POTEF: variants seen among roughly 807,000 people sequenced by gnomAD.
POTEF encodes ANKRD26-like family C member 1B.
A neutral mutation model predicts 83.2 loss-of-function variants in POTEF; 20 were observed. That is an observed-to-expected ratio of 0.24 (90% CI 0.17 to 0.35). The LOEUF is 0.35. Ranked by LOEUF, POTEF falls within the 10% of genes least tolerant of loss-of-function variation. The pLI, the probability that POTEF is intolerant of heterozygous loss-of-function variation, is 1.00. For synonymous variants in POTEF, 196 were observed against 446.4 expected (o/e 0.44, Z 7.07); for missense variants, 550 against 1,203.2 (o/e 0.46, Z 8.03).
intron 2 of POTEF, among the ~76,000 whole-genome samples, 157 bp downstream of exon 2, chr2:130,127,552 A>G (rs1232030585): frequency 6.6e-6 from 1 of 150,980 alleles, no homozygotes; most frequent in Non-Finnish European, 1.5e-5. Flanking sequence ...CCCAGGTCGG[A>G]CTGGGCCCTG....
chr2:130,101,480 T>C (rs1163333301), intron 9 of POTEF, among the ~76,000 whole-genome samples: 6 of 148,704 alleles, frequency 4.0e-5, no homozygotes, highest in Non-Finnish European at 7.4e-5. Flanking sequence ...ATTCTTGTAA[T>C]AGGCAGCTGT....
intron 8 of POTEF, 58 bp downstream of exon 8, chr2:130,107,951 C>T: frequency 1.2e-6 from 2 of 1,607,382 alleles, no homozygotes; most frequent in East Asian, 4.5e-5. Flanking sequence ...AAACCGGTCC[C>T]TGGTGTCAAA....
At chr2:130,113,690 T>C (rs1194350656) in intron 5 of POTEF, among the ~76,000 whole-genome samples, 2 of 146,672 alleles carry the variant, frequency 1.4e-5, no homozygotes, top group Non-Finnish European at 3.0e-5. Flanking sequence ...CAAATATACA[T>C]ATCCAGGCTT....
At position 130,075,078 on chromosome 2, in the gene POTEF, G is replaced by C. The variant is rs375441303; in HGVS notation, c.2394C>G (p.Pro798=). The part of the protein sequence containing the change: ...HTFYNELRVA[P]EEHPVLLTEA... ...CGGTCAGCAGGACGGGGTGCTCCTCGGGAGCCACACGCAGCTCGTTGTAGA... is the reference window on the plus strand; with the variant it reads ...CGGTCAGCAGGACGGGGTGCTCCTCCGGAGCCACACGCAGCTCGTTGTAGA... Residue 798 remains proline (P), a synonymous_variant, in exon 17 of 17, where the codon CCC becomes CCG. Transcript: ENST00000409914. The C allele has an allele frequency of 6.2e-7, 1 of 1,613,770 alleles. No homozygotes were observed. Among genetic ancestry groups the C allele is most frequent in the East Asian group, 2.2e-5 (1 of 44,858 alleles).
intron 8 of POTEF, among the ~76,000 whole-genome samples, chr2:130,105,607 A>C (rs1049828818): frequency 6.6e-6 from 1 of 150,588 alleles, no homozygotes; most frequent in African/African-American, 2.5e-5. Context: ...GGTGGCTTTC[A>C]CACTACAACA....
At chr2:130,113,691 A>C (rs940020953) in intron 5 of POTEF, among the ~76,000 whole-genome samples, 1 of 146,880 alleles carries the variant, frequency 6.8e-6, no homozygotes, top group Non-Finnish European at 1.5e-5. Flanking sequence ...AAATATACAT[A>C]TCCAGGCTTT....
intron 9 of POTEF, among the ~76,000 whole-genome samples, chr2:130,101,035 A>G (rs1204529446): frequency 7.0e-6 from 1 of 143,322 alleles, no homozygotes. Flanking sequence ...TGTTTGGACT[A>G]AACTTAATTT....
Position 130,073,804 on chromosome 2 carries a change from TAAAAC to T in POTEF, c.*435_*439del, listed in dbSNP as rs1385239361. The stretch of plus-strand genomic sequence containing the variant: ...GGCCACGAAGGCTGATCATTCAAAA[TAAAAC>T]AAAATTAAAAAGTATTAAGGCGAAG... On this transcript the variant is annotated 3_prime_UTR_variant, in exon 17 of 17. Coordinates refer to ENST00000409914, the MANE Select transcript of POTEF (RefSeq NM_001099771.2). Among the ~76,000 whole-genome samples the T allele has an allele frequency of 6.8e-6, 1 of 147,010 alleles. No homozygotes were observed. Among genetic ancestry groups the T allele is most frequent in the Non-Finnish European group, 1.5e-5 (1 of 66,450 alleles).
chr2:130,109,087 A>C (rs1319914184), intron 7 of POTEF: 1 of 151,330 alleles, frequency 6.6e-6, no homozygotes, highest in African/African-American at 2.5e-5. Context: ...TTACATGACT[A>C]TTTTTGCAGC....
chr2:130,117,557 T>C (rs1684873750), intron 3 of POTEF, among the ~76,000 whole-genome samples: 2 of 152,214 alleles, frequency 1.3e-5, no homozygotes, highest in South Asian at 4.1e-4. Flanking sequence ...TGTATATGTG[T>C]AACCGATTTT....
chr2:130,127,515 G>A (rs1685126791), intron 2 of POTEF, among the ~76,000 whole-genome samples, 194 bp downstream of exon 2: 1 of 150,712 alleles, frequency 6.6e-6, no homozygotes, highest in African/African-American at 2.5e-5. Flanking sequence ...GAGGCCCATG[G>A]TACAGCACCA....
rs1216538157 is a variant in POTEF, at chr2:130,124,160, GGATAAATTTTGAA to G, written c.-94+3536_-94+3548del. 2.5e-5 allele frequency among the ~76,000 whole-genome samples: 2 copies of G among 79,500 alleles called. 1 individual carries two copies. The highest frequency in any genetic ancestry group is 3.2e-4 in the Admixed American group (2 of 6,276). 52.2% of individuals were successfully genotyped at this position (79,500 alleles called of 152,430 possible). On this transcript the variant is annotated intron_variant, in intron 2 of 16. Transcript: ENST00000409914. ...ACCTCTGACTTAAGTTAGACCAAAT[GGATAAATTTTGAA>G]GATATTTTTATTTTACCACTGACTT...
At position 130,075,233 on chromosome 2, in the gene POTEF, T is replaced by C; in HGVS notation, c.2239A>G (p.Met747Val). The C allele has an allele frequency of 1.2e-6, 2 of 1,612,448 alleles. No homozygotes were observed. The highest frequency in any genetic ancestry group is 1.7e-6 in the Non-Finnish European group (2 of 1,179,928). ...CCCACATAGGACTCTTTCTGATGCA[T>C]GCCCCCCATCATGCCCTGCTGCCTG... The part of the protein sequence containing the change: ...RPRQQGMMGG[M>V]HQKESYVGKE... Residue 747 changes from methionine (M) to valine (V), a missense_variant, in exon 17 of 17, where the codon ATG becomes GTG. Physicochemically the swap from Met to Val is conservative, Grantham distance 21. Transcript: ENST00000409914.
intron 16 of POTEF, among the ~76,000 whole-genome samples, chr2:130,076,344 G>A (rs1683805267): frequency 7.1e-6 from 1 of 140,242 alleles, no homozygotes; most frequent in Non-Finnish European, 1.5e-5. Context: ...CTTCTGTGGT[G>A]TAAATATATA....
chr2:130,115,881 CATT>C (rs1411784069), intron 3 of POTEF, among the ~76,000 whole-genome samples: 1 of 152,032 alleles, frequency 6.6e-6, no homozygotes, highest in Non-Finnish European at 1.5e-5. Context: ...CTGAGATGAT[CATT>C]GTCTCCATGT....
chr2:130,114,498 C>T (rs1454584366), intron 5 of POTEF, among the ~76,000 whole-genome samples: 1 of 146,510 alleles, frequency 6.8e-6, no homozygotes, highest in Non-Finnish European at 1.5e-5. Context: ...GGAGCAGGAT[C>T]TCTATTCACT....
rs1000945623 is a variant in POTEF at position 130,129,053 on chromosome 2, A to G, written c.-250+19T>C. Reference sequence around the variant, plus strand: ...ACCCCTGCCCCCACAGGCGGGCAGTACATCCCCGGATAACTCACCTACACC... The same window carrying G: ...ACCCCTGCCCCCACAGGCGGGCAGTGCATCCCCGGATAACTCACCTACACC... On this transcript the variant is annotated intron_variant, in intron 1 of 16. Coordinates refer to ENST00000409914, the MANE Select transcript of POTEF (RefSeq NM_001099771.2). 5.4e-5 allele frequency: 6 copies of G among 111,596 alleles called. No individual in the cohort carries two copies. The highest frequency in any genetic ancestry group is 2.9e-4 in the South Asian group (1 of 3,476). The allele number at this position is 111,596 out of a possible 1,614,324, so 6.9% of individuals were successfully genotyped here.
At position 130,120,554 on chromosome 2, in the gene POTEF, A is replaced by G. The variant is rs1400295289; in HGVS notation, c.-39T>C. 1 of 1,610,128 alleles carries G rather than the reference A, an allele frequency of 6.2e-7. No individual in the cohort carries two copies. Among genetic ancestry groups the G allele is most frequent in the Non-Finnish European group, 8.5e-7 (1 of 1,178,406 alleles). On this transcript the variant is annotated 5_prime_UTR_variant, in exon 3 of 17. Transcript: ENST00000409914. ...CCAGGAGAAGCCAGTAGTAGCCAAC[A>G]GATCGCGTCTACCAACCAGTTTCAC... is the stretch of plus-strand genomic sequence containing the variant.
chr2:130,075,871 T>C (rs1683786800), intron 16 of POTEF, among the ~76,000 whole-genome samples: 1 of 150,148 alleles, frequency 6.7e-6, no homozygotes, highest in Non-Finnish European at 1.5e-5. Context: ...TTTTTAAGAA[T>C]CCCAGAATTA....
Sources: allele counts gnomAD v4.1 joint callset (sites outside exome capture counted in the v4.1 genomes callset), GRCh38; gene constraint gnomAD v4.1.1; transcripts MANE v1.5; gene names NCBI Gene and HGNC (gene_info 2026-07-23, HGNC 2026-07-21).